The following CYRIB variants were observed in gnomAD, a reference collection of about 807,000 sequenced individuals.
CYRIB encodes CYFIP related Rac1 interactor B.
In CYRIB, 8 loss-of-function variants were observed where a neutral mutation model predicts 44.2. That is an observed-to-expected ratio of 0.18 (90% CI 0.11 to 0.33). The LOEUF (loss-of-function observed/expected upper bound fraction) is 0.33. Ranked by LOEUF, CYRIB falls within the 10% of genes least tolerant of loss-of-function variation. The pLI is 1.00. For synonymous variants in CYRIB, 131 were observed against 127.2 expected, an observed-to-expected ratio of 1.03 and a Z score of -0.20; for missense variants, 185 against 382.8, an observed-to-expected ratio of 0.48 and a Z score of 4.31.
At chr8:129,872,151 G>T (rs1170977232) in intron 3 of CYRIB, among the ~76,000 whole-genome samples, 2 of 152,044 alleles carry the variant, frequency 1.3e-5, no homozygotes, top group South Asian at 4.1e-4. Context: ...TGAACAGAAG[G>T]TCAAGAATCC....
upstream of CYRIB, among the ~76,000 whole-genome samples, chr8:129,943,660 G>A (rs1203612447): frequency 1.6e-5 from 2 of 123,892 alleles, no homozygotes; most frequent in Non-Finnish European, 3.3e-5. Context: ...GTGCAGTGGC[G>A]CAATCTTGGC....
intron 4 of CYRIB, among the ~76,000 whole-genome samples, chr8:129,864,050 G>C (rs1044859708): frequency 3.9e-5 from 6 of 152,222 alleles, no homozygotes; most frequent in African/African-American, 1.4e-4. Context: ...AACCCAGACA[G>C]ATCTAACGGA....
At chr8:129,982,470 G>C (rs1248188151) in intron 1 of CYRIB, among the ~76,000 whole-genome samples, 2 of 152,160 alleles carry the variant, frequency 1.3e-5, no homozygotes, top group African/African-American at 2.4e-5. Flanking sequence ...ATTCGATTCT[G>C]GTTTTCCATT....
At chr8:129,965,382 A>G (rs2095434268) in intron 2 of CYRIB, among the ~76,000 whole-genome samples, 1 of 152,104 alleles carries the variant, frequency 6.6e-6, no homozygotes, top group Admixed American at 6.6e-5. Flanking sequence ...CTGGCAGCAT[A>G]CCACATATAC....
intron 2 of CYRIB, among the ~76,000 whole-genome samples, chr8:129,895,894 T>C (rs1337885951): frequency 1.3e-5 from 2 of 152,230 alleles, no homozygotes; most frequent in East Asian, 1.9e-4. Flanking sequence ...TTTAAAAATA[T>C]ATATTCCTAG....
chr8:129,870,755 T>C (rs2133215535), intron 4 of CYRIB, among the ~76,000 whole-genome samples: 1 of 151,866 alleles, frequency 6.6e-6, no homozygotes, highest in Non-Finnish European at 1.5e-5. Context: ...GGACAGGGAG[T>C]TCCTCTGTGT....
intron 2 of CYRIB, among the ~76,000 whole-genome samples, chr8:129,887,468 G>A (rs2063242158): frequency 1.3e-5 from 2 of 152,218 alleles, no homozygotes; most frequent in African/African-American, 2.4e-5. Context: ...CAGTGCACTG[G>A]GGAAATGTAG....
At position 129,879,402 on chromosome 8, in the gene CYRIB, G is replaced by A. The variant is rs981467615; in HGVS notation, c.60C>T (p.Phe20=). The A allele has an allele frequency of 2.5e-6, 4 of 1,610,450 alleles. No homozygotes were observed. The African/African-American group carries it at 4.0e-5, about 16-fold the overall frequency. The change falls in exon 3 of 12, where the codon TTC becomes TTT. Residue 20 remains phenylalanine, a synonymous_variant. Coordinates refer to ENST00000519824, the Ensembl canonical transcript of CYRIB. ...TCATCTTCTCACTTTCAAAATCAAGGAAAAAATTTGGCCCCTGCTCAAGGT... is the reference window on the plus strand; with the variant it reads ...TCATCTTCTCACTTTCAAAATCAAGAAAAAAATTTGGCCCCTGCTCAAGGT...
chr8:129,936,248 A>G (rs1181602552), intron 1 of CYRIB, among the ~76,000 whole-genome samples: 1 of 152,230 alleles, frequency 6.6e-6, no homozygotes, highest in Non-Finnish European at 1.5e-5. Flanking sequence ...TTGGGAGTAT[A>G]CTTGAACAAG....
At chr8:129,997,791 G>A (rs1475689659) in intron 1 of CYRIB, among the ~76,000 whole-genome samples, 1 of 152,076 alleles carries the variant, frequency 6.6e-6, no homozygotes, top group African/African-American at 2.4e-5. Flanking sequence ...GCCTTTGGAG[G>A]AAGAAACTCT....
chr8:129,928,074 G>A (rs1165241902), intron 1 of CYRIB, among the ~76,000 whole-genome samples: 2 of 151,572 alleles, frequency 1.3e-5, no homozygotes, highest in African/African-American at 4.9e-5. Context: ...AATCTTTGGT[G>A]AGGCAAAGAT....
Position 129,978,339 on chromosome 8 carries a change from T to C in CYRIB, c.-295-7344A>G, listed in dbSNP as rs776248128. On this transcript the variant is annotated intron_variant, in intron 1 of 14. Transcript: ENST00000401979. ...CGATCAGCCAAGCACTAAATGACTA[T>C]TGTGAGATGGTTGTGGGGCAGGCTT... Among the ~76,000 whole-genome samples, 114 of 152,234 alleles carry C rather than the reference T, an allele frequency of 7.5e-4. 2 individuals are homozygous for C. Among genetic ancestry groups the C allele is most frequent in the Non-Finnish European group, 5.9e-4 (40 of 68,046 alleles).
chr8:129,850,944 T>G, intron 8 of CYRIB, 30 bp from the exon 11 acceptor site: 4 of 1,400,154 alleles, frequency 2.9e-6, no homozygotes, highest in African/African-American at 1.4e-5. Context: ...ACAAAAAAAG[T>G]AAAAGTAACA....
chr8:129,923,743 CT>C (rs2085378966), intron 1 of CYRIB, among the ~76,000 whole-genome samples: 1 of 151,914 alleles, frequency 6.6e-6, no homozygotes, highest in African/African-American at 2.4e-5. Context: ...ATGTACTAAA[CT>C]CCCTACCTCC....
intron 1 of CYRIB, among the ~76,000 whole-genome samples, chr8:129,998,013 CA>C (rs1401592223): frequency 3.3e-5 from 5 of 150,778 alleles, no homozygotes; most frequent in African/African-American, 1.2e-4. Context: ...CCCAGCTACT[CA>C]GGGGGCTGAG....
At chr8:129,959,629 A>G (rs948915470) in intron 2 of CYRIB, among the ~76,000 whole-genome samples, 6 of 152,252 alleles carry the variant, frequency 3.9e-5, no homozygotes, top group Non-Finnish European at 8.8e-5. Flanking sequence ...ATTTTAAAAA[A>G]TAAGAAAAAG....
chr8:129,843,911 G>C (rs2038117391), intron 11 of CYRIB: 1 of 152,058 alleles, frequency 6.6e-6, no homozygotes, highest in Non-Finnish European at 1.5e-5. Flanking sequence ...CACATAAATG[G>C]TGCTCAATAA....
chr8:130,011,811 C>T (rs1214988518), intron 1 of CYRIB, among the ~76,000 whole-genome samples: 2 of 151,364 alleles, frequency 1.3e-5, no homozygotes, highest in Admixed American at 6.6e-5. Flanking sequence ...CCAGCCTGGG[C>T]GACAGAGCGA....
intron 1 of CYRIB, among the ~76,000 whole-genome samples, chr8:129,983,009 T>TAAA (rs3077880): frequency 0.012 from 1,653 of 138,132 alleles, 39 homozygotes; most frequent in African/African-American, 0.041. Flanking sequence ...GTAGAGCTGT[T>TAAA]AAAAAAAAAA....
Sources: gnomAD v4.1 joint callset for allele counts (sites outside exome capture counted in the v4.1 genomes callset) on GRCh38, gnomAD v4.1.1 for gene constraint, MANE v1.5 for transcripts, NCBI Gene and HGNC (gene_info 2026-07-23, HGNC 2026-07-21) for gene names.